PON2: variants seen among roughly 807,000 people sequenced by gnomAD.
PON2 encodes the protein paraoxonase 2, also known as serum paraoxonase/arylesterase 2.
PON2 carries 27 observed loss-of-function variants against 36.6 expected under a neutral mutation model. The ratio of observed to expected loss-of-function variants is 0.74; its 90% confidence interval spans 0.54 to 1.02. The LOEUF is 1.02. Ranked by LOEUF, PON2 falls within the 50% of genes least tolerant of loss-of-function variation. The pLI is 0.00. For synonymous variants in PON2, 149 were observed against 156.3 expected (o/e 0.95, Z 0.35); for missense variants, 363 against 421.1 (o/e 0.86, Z 1.21).
intron 2 of PON2, chr7:95,424,250 A>G (rs1562791250): frequency 4.3e-5 from 21 of 489,378 alleles, no homozygotes; most frequent in Non-Finnish European, 3.7e-6. Flanking sequence ...CAACAAAAAT[A>G]GTTCAGAGAA....
At position 95,405,472 on chromosome 7, in the gene PON2, T is replaced by C; in HGVS notation, c.923A>G (p.Asn308Ser). The C allele has an allele frequency of 6.2e-7, 1 of 1,613,116 alleles. No homozygotes were observed. Residue 308 changes from asparagine (N) to serine (S), a missense_variant, in exon 9 of 9, where the codon AAC becomes AGC. By Grantham distance (46) the Asn-to-Ser change is conservative (BLOSUM62 1). Transcript: ENST00000222572. ...CACTGTAGGCTTCTCAGATAGAATG[T>C]TCTGGATGCGGAGAACCTATTCAGG... ...PPSSEVLRIQ[N>S]ILSEKPTVTT...
At chr7:95,425,828 A>T (rs1360800053) in intron 1 of PON2, among the ~76,000 whole-genome samples, 1 of 152,170 alleles carries the variant, frequency 6.6e-6, no homozygotes, top group Non-Finnish European at 1.5e-5. Flanking sequence ...AAATTTTTTG[A>T]AACAATATAG....
At chr7:95,409,388 TA>T (rs1370458579) in intron 6 of PON2, 9 of 152,006 alleles carry the variant, frequency 5.9e-5, no homozygotes, top group Non-Finnish European at 1.2e-4. Context: ...AATTCCATGG[TA>T]AATAAGAAGT....
chr7:95,423,485 G>A (rs1789242695), intron 2 of PON2, among the ~76,000 whole-genome samples: 1 of 152,046 alleles, frequency 6.6e-6, no homozygotes, highest in South Asian at 2.1e-4. Context: ...GAGAAAAACT[G>A]CAAACACACC....
rs367656477 is a variant in PON2, at chr7:95,415,474, AAAAG to A, written c.201+764_201+767del. The stretch of plus-strand genomic sequence containing the variant: ...ACTTATGATTGGCTATTCAGGGGAA[AAAAG>A]AAAGAAAGCAAAAGGGCAAGGTTGG... On this transcript the variant is annotated intron_variant, in intron 3 of 8. Coordinates refer to ENST00000222572, the MANE Select transcript of PON2 (RefSeq NM_000305.3). 2.6e-4 allele frequency among the ~76,000 whole-genome samples: 39 copies of A among 152,334 alleles called. 1 individual carries two copies. Among genetic ancestry groups the A allele is most frequent in the East Asian group, 9.6e-4 (5 of 5,184 alleles).
chr7:95,422,654 T>A (rs1789222098), intron 2 of PON2, among the ~76,000 whole-genome samples: 1 of 152,224 alleles, frequency 6.6e-6, no homozygotes, highest in Non-Finnish European at 1.5e-5. Flanking sequence ...CACTCAAAAC[T>A]TGTTTAACAA....
At position 95,406,256 on chromosome 7, in the gene PON2, T is replaced by A. The variant is rs375984209; in HGVS notation, c.778-9A>T. 21 of 1,607,774 alleles carry A rather than the reference T, an allele frequency of 1.3e-5. No homozygotes were observed. The highest frequency in any genetic ancestry group is 1.8e-5 in the Non-Finnish European group (21 of 1,174,582). On this transcript the variant is annotated splice_polypyrimidine_tract_variant and intron_variant, in intron 7 of 8. Coordinates refer to ENST00000222572, the MANE Select transcript of PON2 (RefSeq NM_000305.3). ...GTATCCAGCTCAAGTACCTTCCAAATGAGAAATTGTCAAAATCTAAATGAC... is the reference window on the plus strand; with the variant it reads ...GTATCCAGCTCAAGTACCTTCCAAAAGAGAAATTGTCAAAATCTAAATGAC...
chr7:95,418,278 C>G (rs1475213060), intron 2 of PON2: 5 of 152,204 alleles, frequency 3.3e-5, no homozygotes, highest in Admixed American at 3.3e-4. Flanking sequence ...TGTAAATACC[C>G]TGCATACAAT....
intron 1 of PON2, among the ~76,000 whole-genome samples, chr7:95,424,883 A>G (rs1399807620): frequency 6.6e-6 from 1 of 152,220 alleles, no homozygotes; most frequent in African/African-American, 2.4e-5. Flanking sequence ...ATGTAAACAC[A>G]GCACCATGTC....
intron 3 of PON2, 164 bp downstream of exon 3, chr7:95,416,078 A>G: frequency 4.5e-6 from 6 of 1,327,192 alleles, no homozygotes; most frequent in Non-Finnish European, 6.2e-6. Flanking sequence ...TCATCTCTAC[A>G]TTTAGAAAAG....
intron 2 of PON2, among the ~76,000 whole-genome samples, chr7:95,423,046 G>A (rs1281969887): frequency 1.3e-5 from 2 of 152,116 alleles, no homozygotes; most frequent in African/African-American, 4.8e-5. Flanking sequence ...AATATTGGCT[G>A]GGCTCAGTGC....
intron 6 of PON2, 30 bp from the exon 7 acceptor site, chr7:95,407,098 T>G (rs764803030): frequency 1.5e-6 from 2 of 1,363,468 alleles, no homozygotes; most frequent in African/African-American, 1.4e-5. Context: ...TGGTTAGAGC[T>G]CCATGCCAAT....
intron 2 of PON2, among the ~76,000 whole-genome samples, chr7:95,419,595 A>G (rs1290965647): frequency 6.6e-6 from 1 of 152,160 alleles, no homozygotes; most frequent in East Asian, 1.9e-4. Context: ...GTAGCAACAC[A>G]GCTATAGATA....
At position 95,405,256 on chromosome 7, in the gene PON2, T is replaced by TA; in HGVS notation, c.*73dup. 12 of 1,508,706 alleles carry TA rather than the reference T, an allele frequency of 8.0e-6. No homozygotes were observed. The highest frequency in any genetic ancestry group is 1.1e-5 in the Non-Finnish European group (12 of 1,091,588). The allele number at this position is 1,508,706 out of a possible 1,614,324, so 93.5% of individuals were successfully genotyped here. On this transcript the variant is annotated 3_prime_UTR_variant, in exon 9 of 9. Coordinates refer to ENST00000222572, the MANE Select transcript of PON2 (RefSeq NM_000305.3). Reference sequence around the variant, plus strand: ...ACATTTCTGGGTCAATGTTGCTGGTTAAATTCCCTCAGAATTAGCAATTCA... The same window carrying TA: ...ACATTTCTGGGTCAATGTTGCTGGTTAAAATTCCCTCAGAATTAGCAATTCA...
chr7:95,405,277 ATT>A lies in PON2; in HGVS notation c.*51_*52del. 6.3e-7 allele frequency: 1 copy of A among 1,576,000 alleles called. No homozygotes were observed. The highest frequency in any genetic ancestry group is 8.7e-7 in the Non-Finnish European group (1 of 1,147,172). On this transcript the variant is annotated 3_prime_UTR_variant, in exon 9 of 9. Coordinates refer to ENST00000222572, the MANE Select transcript of PON2 (RefSeq NM_000305.3). The stretch of plus-strand genomic sequence containing the variant: ...TGGTTAAATTCCCTCAGAATTAGCA[ATT>A]CATAGAAAATTAATTGTTAAGTTAT...
intron 2 of PON2, among the ~76,000 whole-genome samples, chr7:95,421,790 C>T (rs767245894): frequency 6.6e-6 from 1 of 151,988 alleles, no homozygotes; most frequent in Non-Finnish European, 1.5e-5. Flanking sequence ...GGCAGATCAA[C>T]CTGAGGAAGC....
chr7:95,426,795 T>C (rs1313877341), intron 1 of PON2, among the ~76,000 whole-genome samples: 3 of 152,210 alleles, frequency 2.0e-5, no homozygotes, highest in Admixed American at 2.0e-4. Context: ...AGTTTTAGTA[T>C]CATGCATTGG....
chr7:95,405,105 G>T lies in PON2; in HGVS notation c.*225C>A. ...CAAAATGTATTCACTTTATTCGAAAGCAGCTTTCTTTTCTGTCCCTTGCTT... is the reference window on the plus strand; with the variant it reads ...CAAAATGTATTCACTTTATTCGAAATCAGCTTTCTTTTCTGTCCCTTGCTT... On this transcript the variant is annotated 3_prime_UTR_variant, in exon 9 of 9. Transcript: ENST00000222572. 1 of 504,180 alleles carries T rather than the reference G, an allele frequency of 2.0e-6. No homozygotes were observed. 31.2% of individuals were successfully genotyped at this position (504,180 alleles called of 1,614,324 possible).
rs1369927098 is a variant in PON2 at position 95,435,027 on chromosome 7, A to T, written c.-76T>A. 53 of 1,406,078 alleles carry T rather than the reference A, an allele frequency of 3.8e-5. 1 individual carries two copies. The highest frequency in any genetic ancestry group is 1.0e-4 in the Admixed American group (4 of 38,478). The allele number at this position is 1,406,078 out of a possible 1,614,324, so 87.1% of individuals were successfully genotyped here. The stretch of plus-strand genomic sequence containing the variant: ...TGGGCGGTGCCATCTTCCCGGCTCG[A>T]TGGTGCCGGCCGCGCTCCGCCCCGT... On this transcript the variant is annotated 5_prime_UTR_variant, in exon 1 of 9. Transcript: ENST00000222572.
Sources: gnomAD v4.1 joint callset for allele counts (sites outside exome capture counted in the v4.1 genomes callset) on GRCh38, gnomAD v4.1.1 for gene constraint, MANE v1.5 for transcripts, NCBI Gene and HGNC (gene_info 2026-07-23, HGNC 2026-07-21) for gene names.